The following PPARGC1A variants were observed in gnomAD, a reference collection of about 807,000 sequenced individuals.
PPARGC1A encodes PPARG coactivator 1 alpha, also known as peroxisome proliferator-activated receptor gamma coactivator 1-alpha.
A neutral mutation model predicts 88.7 loss-of-function variants in PPARGC1A; 25 were observed. The ratio of observed to expected loss-of-function variants is 0.28; its 90% CI spans 0.21 to 0.39. PPARGC1A has a LOEUF of 0.39. Ranked by LOEUF, PPARGC1A falls within the 10% of genes least tolerant of loss-of-function variation. PPARGC1A has a pLI of 1.00. For synonymous variants in PPARGC1A, 363 were observed against 355.6 expected (o/e 1.02, Z -0.24); for missense variants, 880 against 968.7 (o/e 0.91, Z 1.22).
the PPARGC1A span, among the ~76,000 whole-genome samples, chr4:24,281,012 G>A: frequency 6.6e-6 from 1 of 152,144 alleles, no homozygotes; most frequent in East Asian, 1.9e-4. Flanking sequence ...CTTTATGAGT[G>A]GGCTGTCAGG....
chr4:24,266,227 C>T, the PPARGC1A span, among the ~76,000 whole-genome samples: 1 of 152,110 alleles, frequency 6.6e-6, no homozygotes, highest in Non-Finnish European at 1.5e-5. Flanking sequence ...TCAGAACTGC[C>T]CAGTGAATAA....
the PPARGC1A span, among the ~76,000 whole-genome samples, chr4:24,149,234 G>A: frequency 6.6e-6 from 1 of 152,030 alleles, no homozygotes; most frequent in East Asian, 1.9e-4. Context: ...TATCTTGCAT[G>A]GTGAATCAAG....
At chr4:23,885,511 A>G (rs1441688404) in intron 1 of PPARGC1A, among the ~76,000 whole-genome samples, 1 of 152,184 alleles carries the variant, frequency 6.6e-6, no homozygotes, top group Non-Finnish European at 1.5e-5. Context: ...CTGAATTGTT[A>G]TTTAAATCAT....
the PPARGC1A span, among the ~76,000 whole-genome samples, chr4:24,200,044 G>A: frequency 6.6e-6 from 1 of 151,916 alleles, no homozygotes; most frequent in Non-Finnish European, 1.5e-5. Context: ...TAGTTAAAAT[G>A]GATAAACTAG....
chr4:24,013,437 C>A, the PPARGC1A span, among the ~76,000 whole-genome samples: 3 of 152,238 alleles, frequency 2.0e-5, no homozygotes, highest in East Asian at 3.9e-4. Flanking sequence ...CGTCCTCTCT[C>A]CTTCTTCTCT....
the PPARGC1A span, among the ~76,000 whole-genome samples, chr4:23,986,777 GT>G: frequency 2.7e-4 from 41 of 152,106 alleles, no homozygotes; most frequent in East Asian, 7.7e-3. Flanking sequence ...CTAATATACT[GT>G]CTTGCCTCTC....
At chr4:24,045,521 GC>G in the PPARGC1A span, among the ~76,000 whole-genome samples, 1 of 152,090 alleles carries the variant, frequency 6.6e-6, no homozygotes, top group Non-Finnish European at 1.5e-5. Flanking sequence ...ATCCTCTATG[GC>G]CTCTTCTAGC....
chr4:23,908,170 C>A (rs140369949), upstream of PPARGC1A, among the ~76,000 whole-genome samples: 1 of 152,188 alleles, frequency 6.6e-6, no homozygotes, highest in East Asian at 1.9e-4. Flanking sequence ...AGAGAACGAG[C>A]GACAGTGTCT....
At chr4:23,991,746 G>T in the PPARGC1A span, among the ~76,000 whole-genome samples, 1 of 151,850 alleles carries the variant, frequency 6.6e-6, no homozygotes, top group African/African-American at 2.4e-5. Context: ...TGGCAGAAAT[G>T]TGAGCACAGG....
chr4:24,261,733 T>A, the PPARGC1A span, among the ~76,000 whole-genome samples: 1 of 120,970 alleles, frequency 8.3e-6, no homozygotes, highest in Admixed American at 8.2e-5. Flanking sequence ...CTTCCGTTCC[T>A]TTCTCCTATT....
At chr4:24,224,949 G>T in the PPARGC1A span, among the ~76,000 whole-genome samples, 3 of 152,316 alleles carry the variant, frequency 2.0e-5, no homozygotes, top group Admixed American at 6.5e-5. Flanking sequence ...AACAGCAAGT[G>T]CAAAGGCCCT....
chr4:24,400,959 G>T, the PPARGC1A span, among the ~76,000 whole-genome samples: 3 of 150,570 alleles, frequency 2.0e-5, no homozygotes, highest in Non-Finnish European at 3.0e-5. Context: ...ACTTGTATCT[G>T]GAACATATGA....
chr4:24,278,167 CA>C, the PPARGC1A span, among the ~76,000 whole-genome samples: 115,855 of 150,578 alleles, frequency 0.77, 44,514 homozygotes, highest in East Asian at 0.85. Flanking sequence ...ATCCTGTCTC[CA>C]AAAAAAAATA....
chr4:23,990,361 T>C, the PPARGC1A span, among the ~76,000 whole-genome samples: 2 of 152,016 alleles, frequency 1.3e-5, no homozygotes, highest in African/African-American at 4.8e-5. Context: ...GTGATACTTA[T>C]GTATTAGTGC....
chr4:24,458,135 T>A, the PPARGC1A span, among the ~76,000 whole-genome samples: 1 of 152,082 alleles, frequency 6.6e-6, no homozygotes, highest in South Asian at 2.1e-4. Context: ...GTCATCAGAG[T>A]TGTAAGAATG....
At chr4:24,311,639 CA>C in the PPARGC1A span, among the ~76,000 whole-genome samples, 2 of 150,842 alleles carry the variant, frequency 1.3e-5, no homozygotes, top group Non-Finnish European at 3.0e-5. Flanking sequence ...GACTCCATCT[CA>C]AAAAAAATAA....
At chr4:24,173,426 G>C in the PPARGC1A span, among the ~76,000 whole-genome samples, 2 of 152,084 alleles carry the variant, frequency 1.3e-5, no homozygotes, top group Admixed American at 1.3e-4. Context: ...GCCAGGCATG[G>C]AGGTGCACAA....
the PPARGC1A span, among the ~76,000 whole-genome samples, chr4:24,097,848 G>A: frequency 1.3e-5 from 2 of 152,058 alleles, no homozygotes; most frequent in Non-Finnish European, 2.9e-5. Flanking sequence ...GACACCCATG[G>A]TTTTATGGCC....
chr4:24,405,694 T>C, the PPARGC1A span, among the ~76,000 whole-genome samples: 2 of 152,092 alleles, frequency 1.3e-5, no homozygotes, highest in Non-Finnish European at 2.9e-5. Context: ...GATCCAATGG[T>C]AGCCTCCAAC....
Sources: gnomAD v4.1 joint callset for allele counts (sites outside exome capture counted in the v4.1 genomes callset) on GRCh38, gnomAD v4.1.1 for gene constraint, MANE v1.5 for transcripts, NCBI Gene and HGNC (gene_info 2026-07-23, HGNC 2026-07-21) for gene names.